The following MOCOS variants were observed in gnomAD, a reference collection of about 807,000 sequenced individuals.
MOCOS encodes human molybdenum cofactor sulfurase.
Under a neutral mutation model 83.6 loss-of-function variants are expected in MOCOS, and 86 were observed. That is an observed-to-expected ratio of 1.03 (90% CI 0.86 to 1.23). The LOEUF is 1.23. MOCOS is among the 50% of genes most tolerant of loss of function. MOCOS has a pLI of 0.00. For synonymous variants in MOCOS, 445 were observed against 434.7 expected (o/e 1.02, Z -0.29); for missense variants, 1,120 against 1,126.9 (o/e 0.99, Z 0.09).
intron 11 of MOCOS, among the ~76,000 whole-genome samples, chr18:36,255,050 G>A (rs2091636771): frequency 6.6e-6 from 1 of 152,018 alleles, no homozygotes; most frequent in Admixed American, 6.6e-5. Flanking sequence ...GTACACAGTT[G>A]ATCAAAGCAA....
chr18:36,248,192 T>C (rs1052857578), intron 9 of MOCOS, among the ~76,000 whole-genome samples: 4 of 152,192 alleles, frequency 2.6e-5, no homozygotes, highest in Non-Finnish European at 5.9e-5. Flanking sequence ...ATTCCCCTGA[T>C]GATTAGTGAT....
Position 36,187,587 on chromosome 18 carries a change from G to T in MOCOS, c.48G>T (p.Ala16=). 8.0e-7 allele frequency: 1 copy of T among 1,248,122 alleles called. No homozygotes were observed. The highest frequency in any genetic ancestry group is 1.0e-6 in the Non-Finnish European group (1 of 995,900). 77.3% of individuals were successfully genotyped at this position (1,248,122 alleles called of 1,614,324 possible). Residue 16 remains alanine, a synonymous_variant, in exon 1 of 15, where the codon GCG becomes GCT. Transcript: ENST00000261326. ...AESGRELWTF[A]GSRDPSAPRL... is the part of the protein sequence containing the mutation. Reference sequence around the variant, plus strand: ...CAGGGCGGGAGCTGTGGACCTTCGCGGGTTCCCGGGACCCGAGCGCACCGC... The same window carrying T: ...CAGGGCGGGAGCTGTGGACCTTCGCTGGTTCCCGGGACCCGAGCGCACCGC...
At chr18:36,232,127 C>T (rs1482113477) in intron 9 of MOCOS, among the ~76,000 whole-genome samples, 1 of 152,124 alleles carries the variant, frequency 6.6e-6, no homozygotes, top group Non-Finnish European at 1.5e-5. Flanking sequence ...GCATGTGCCA[C>T]CACATCCAGC....
chr18:36,259,486 A>G (rs1020484798), intron 12 of MOCOS, among the ~76,000 whole-genome samples: 4 of 150,768 alleles, frequency 2.7e-5, no homozygotes, highest in African/African-American at 9.7e-5. Flanking sequence ...AAAATAGCAG[A>G]TGTTACACTG....
At chr18:36,232,511 T>C (rs2091542136) in intron 9 of MOCOS, among the ~76,000 whole-genome samples, 1 of 152,202 alleles carries the variant, frequency 6.6e-6, no homozygotes, top group African/African-American at 2.4e-5. Context: ...AATCCTCTTT[T>C]CTAGCTATTT....
At chr18:36,216,329 C>T (rs1487972187) in intron 8 of MOCOS, among the ~76,000 whole-genome samples, 1 of 152,162 alleles carries the variant, frequency 6.6e-6, no homozygotes, top group Non-Finnish European at 1.5e-5. Flanking sequence ...GTAATATTAT[C>T]CCTATTTTAT....
chr18:36,209,822 T>A (rs1254843278), intron 6 of MOCOS, among the ~76,000 whole-genome samples: 1 of 152,200 alleles, frequency 6.6e-6, no homozygotes, highest in Non-Finnish European at 1.5e-5. Flanking sequence ...CTTTTCCACA[T>A]AATGACGTTT....
At chr18:36,192,215 G>A (rs2091368655) in intron 1 of MOCOS, among the ~76,000 whole-genome samples, 1 of 152,104 alleles carries the variant, frequency 6.6e-6, no homozygotes, top group Admixed American at 6.6e-5. Flanking sequence ...AAATTTCAAG[G>A]AATCCACACA....
chr18:36,242,037 T>G (rs1257156229), intron 9 of MOCOS, among the ~76,000 whole-genome samples: 1 of 152,244 alleles, frequency 6.6e-6, no homozygotes, highest in Non-Finnish European at 1.5e-5. Flanking sequence ...CCAGGATCTC[T>G]GACATGCCCT....
intron 6 of MOCOS, among the ~76,000 whole-genome samples, chr18:36,206,729 A>G (rs2091436363): frequency 6.6e-6 from 1 of 152,146 alleles, no homozygotes; most frequent in South Asian, 2.1e-4. Context: ...ATAAGTGGGA[A>G]CATGCAGTAT....
Position 36,272,084 on chromosome 18 carries a change from T to C in MOCOS, c.*3399T>C, listed in dbSNP as rs1242803481. On this transcript the variant is annotated 3_prime_UTR_variant, in exon 15 of 15. Coordinates refer to ENST00000261326, the MANE Select transcript of MOCOS (RefSeq NM_017947.4). ...CTATAGGATGGCAGGTGCATGAGTG[T>C]TGGTTGTATTATTCTTTATTTTTTT... is the stretch of plus-strand genomic sequence containing the variant. 1 of 152,194 alleles carries C rather than the reference T, an allele frequency of 6.6e-6. No individual in the cohort carries two copies. Among genetic ancestry groups the C allele is most frequent in the Non-Finnish European group, 1.5e-5 (1 of 68,044 alleles). The allele number at this position is 152,194 out of a possible 1,614,324, so 9.4% of individuals were successfully genotyped here.
intron 11 of MOCOS, among the ~76,000 whole-genome samples, chr18:36,255,115 G>A (rs2091637067): frequency 1.3e-5 from 2 of 152,110 alleles, no homozygotes; most frequent in Non-Finnish European, 2.9e-5. Context: ...AAAAAAATTA[G>A]CGAAAATGAG....
chr18:36,268,036 A>C (rs1291459269), intron 14 of MOCOS, among the ~76,000 whole-genome samples: 4 of 152,184 alleles, frequency 2.6e-5, no homozygotes, highest in Admixed American at 2.6e-4. Context: ...GTTCACTTGC[A>C]TTGATGGTTA....
chr18:36,270,628 G>A lies in MOCOS; in HGVS notation c.*1943G>A, dbSNP rs185856915. 9.4e-3 allele frequency: 1,398 copies of A among 148,770 alleles called. 9 individuals are homozygous for A. Among genetic ancestry groups the A allele is most frequent in the Middle Eastern group, 0.043 (13 of 302 alleles). 9.2% of individuals were successfully genotyped at this position (148,770 alleles called of 1,614,324 possible). ...CTTGGGAGGCTGAGGCAGGGGAATC[G>A]CTTGAACCCGGGAGGCGGAGGTTGC... On this transcript the variant is annotated 3_prime_UTR_variant, in exon 15 of 15. Coordinates refer to ENST00000261326, the MANE Select transcript of MOCOS (RefSeq NM_017947.4).
intron 11 of MOCOS, among the ~76,000 whole-genome samples, chr18:36,254,497 TGTATAG>T (rs1415403663): frequency 1.6e-5 from 1 of 61,368 alleles, no homozygotes; most frequent in Non-Finnish European, 3.2e-5. Flanking sequence ...TGTGTGTGTG[TGTATAG>T]AGAGAGAGAG....
At chr18:36,242,679 G>A (rs1159507586) in intron 9 of MOCOS, among the ~76,000 whole-genome samples, 7 of 152,178 alleles carry the variant, frequency 4.6e-5, no homozygotes. Context: ...TTACAATCAT[G>A]GTGGAAGGTG....
chr18:36,195,657 T>A (rs1024161011), intron 2 of MOCOS, among the ~76,000 whole-genome samples: 1 of 151,900 alleles, frequency 6.6e-6, no homozygotes, highest in Non-Finnish European at 1.5e-5. Context: ...GTGCAGAGAG[T>A]GGGGCAGCAG....
At position 36,196,925 on chromosome 18, in the gene MOCOS, C is replaced by T. The variant is rs73430950; in HGVS notation, c.232+1579C>T. Among the ~76,000 whole-genome samples the T allele has an allele frequency of 3.6e-3, 544 of 152,154 alleles. 2 individuals carry two copies. The highest frequency in any genetic ancestry group is 8.7e-3 in the East Asian group (45 of 5,160). ...GTCTAAAACTAAAGGGCAAATTCTG[C>T]GTTAATGAGCACATGTAGCTCCTGA... is the stretch of plus-strand genomic sequence containing the variant. On this transcript the variant is annotated intron_variant, in intron 2 of 14. Coordinates refer to ENST00000261326, the MANE Select transcript of MOCOS (RefSeq NM_017947.4).
chr18:36,202,879 C>G (rs2091420079), intron 4 of MOCOS, among the ~76,000 whole-genome samples: 1 of 152,098 alleles, frequency 6.6e-6, no homozygotes, highest in Non-Finnish European at 1.5e-5. Flanking sequence ...AACTCCCTCA[C>G]TATCACGAAA....
Sources: gnomAD v4.1 joint callset for allele counts (sites outside exome capture counted in the v4.1 genomes callset) on GRCh38, gnomAD v4.1.1 for gene constraint, MANE v1.5 for transcripts, NCBI Gene and HGNC (gene_info 2026-07-23, HGNC 2026-07-21) for gene names.